Variants in WDR45B observed in about 807,000 individuals in gnomAD.
The protein encoded by WDR45B is WD repeat domain phosphoinositide-interacting protein 3.
In WDR45B, 20 loss-of-function variants were observed where a neutral mutation model predicts 44.6. That is an observed-to-expected ratio of 0.45 (90% CI 0.32 to 0.65). The LOEUF (loss-of-function observed/expected upper bound fraction) is 0.65. WDR45B is among the 30% of genes least tolerant of loss of function. The pLI is 0.05. For missense variants in WDR45B, 323 were observed against 430.2 expected (o/e 0.75, Z 2.20); for synonymous variants, 169 against 164.9 (o/e 1.02, Z -0.19).
intron 2 of WDR45B, among the ~76,000 whole-genome samples, chr17:82,633,911 A>C (rs1187982765): frequency 6.6e-6 from 1 of 151,966 alleles, no homozygotes; most frequent in Non-Finnish European, 1.5e-5. Context: ...GCACTTCGGG[A>C]GGCAAGGCAG....
At chr17:82,638,815 AAAC>A (rs2045872358) in intron 2 of WDR45B, among the ~76,000 whole-genome samples, 1 of 152,006 alleles carries the variant, frequency 6.6e-6, no homozygotes, top group South Asian at 2.1e-4. Context: ...AAACACTGTG[AAAC>A]AACATCATTT....
intron 2 of WDR45B, among the ~76,000 whole-genome samples, chr17:82,636,072 A>G (rs2045828657): frequency 6.6e-6 from 1 of 150,992 alleles, no homozygotes. Context: ...GGGCAACAAG[A>G]GTGAAACTTC....
intron 6 of WDR45B, among the ~76,000 whole-genome samples, chr17:82,620,561 T>TGGCACC (rs2045600794): frequency 6.6e-6 from 1 of 152,244 alleles, no homozygotes; most frequent in Non-Finnish European, 1.5e-5. Context: ...ACCCTGGCAC[T>TGGCACC]GGCACCGCGT....
intron 3 of WDR45B, chr17:82,629,861 T>C: frequency 2.0e-6 from 2 of 985,290 alleles, no homozygotes; most frequent in Non-Finnish European, 2.4e-6. Context: ...ACCCAGATCC[T>C]AGTTCACCCA....
rs1379579121 is a variant in WDR45B, at chr17:82,621,808, A to G, written c.428-9T>C. ...ACAAAGGACACAGAGGCCTGCGTGG[A>G]GACAGAGGACACCAATCAAGAACTG... On this transcript the variant is annotated splice_polypyrimidine_tract_variant and intron_variant, in intron 5 of 9. Coordinates refer to ENST00000392325, the MANE Select transcript of WDR45B (RefSeq NM_019613.4). The G allele has an allele frequency of 2.5e-6, 4 of 1,613,852 alleles. No individual in the cohort carries two copies. The highest frequency in any genetic ancestry group is 3.3e-5 in the Admixed American group (2 of 59,986).
chr17:82,634,444 C>T (rs1175556229), intron 2 of WDR45B, among the ~76,000 whole-genome samples: 3 of 151,818 alleles, frequency 2.0e-5, no homozygotes, highest in African/African-American at 4.8e-5. Context: ...GCCGAGATCT[C>T]GCCAGTGCAC....
intron 2 of WDR45B, among the ~76,000 whole-genome samples, chr17:82,641,998 T>C (rs1459543757): frequency 1.3e-5 from 2 of 150,898 alleles, no homozygotes; most frequent in Non-Finnish European, 1.5e-5. Flanking sequence ...AGTAAAAAAA[T>C]AAAAAACATA....
rs188233089 is a variant in WDR45B, at chr17:82,635,171, T to C, written c.143-4149A>G. Among the ~76,000 whole-genome samples the C allele has an allele frequency of 5.1e-4, 77 of 151,874 alleles. No homozygotes were observed. In the East Asian group the frequency reaches 0.013, roughly 26 times the overall value. ...TTTTATTTTACATAATTTTTTACCA[T>C]AATTTTTTTTTTAAAAAATGCTGCC... On this transcript the variant is annotated intron_variant, in intron 2 of 9. Coordinates refer to ENST00000392325, the MANE Select transcript of WDR45B (RefSeq NM_019613.4).
intron 4 of WDR45B, 178 bp from the exon 5 acceptor site, chr17:82,625,661 G>A: frequency 1.5e-6 from 1 of 646,202 alleles, no homozygotes. Flanking sequence ...AGCTCGGCGA[G>A]TGCACGTGGG....
At chr17:82,646,795 T>C (rs917187647) in intron 1 of WDR45B, among the ~76,000 whole-genome samples, 55 of 152,244 alleles carry the variant, frequency 3.6e-4, no homozygotes, top group African/African-American at 1.3e-3. Context: ...CTGAGAAGGC[T>C]AGGCATCTCC....
intron 2 of WDR45B, among the ~76,000 whole-genome samples, chr17:82,632,315 C>A (rs2045778367): frequency 1.3e-5 from 2 of 152,070 alleles, no homozygotes; most frequent in South Asian, 2.1e-4. Flanking sequence ...GCACACATCA[C>A]CGCGCCTGGT....
intron 2 of WDR45B, among the ~76,000 whole-genome samples, chr17:82,632,123 C>A (rs532857644): frequency 6.6e-6 from 1 of 152,002 alleles, no homozygotes; most frequent in Non-Finnish European, 1.5e-5. Flanking sequence ...ACCAAAAAAA[C>A]CCCACAAAAC....
At chr17:82,618,948 G>T (rs2045575947) in intron 7 of WDR45B, 95 bp downstream of exon 7, 1 of 1,135,270 alleles carries the variant, frequency 8.8e-7, no homozygotes, top group East Asian at 2.4e-5. Context: ...TTCGGGGGAG[G>T]GTGGCTGCTC....
At chr17:82,625,561 C>G in intron 4 of WDR45B, 78 bp from the exon 5 acceptor site, 25 of 1,319,994 alleles carry the variant, frequency 1.9e-5, no homozygotes, top group Non-Finnish European at 2.7e-5. Context: ...TCTTATCATA[C>G]TGAAACTGAG....
At chr17:82,618,323 G>A (rs1011667571) in intron 7 of WDR45B, among the ~76,000 whole-genome samples, 12 of 152,256 alleles carry the variant, frequency 7.9e-5, no homozygotes, top group Admixed American at 7.8e-4. Context: ...CACAGGGCAT[G>A]AGATGCTACC....
intron 6 of WDR45B, among the ~76,000 whole-genome samples, chr17:82,620,961 G>A (rs2045607297): frequency 6.6e-6 from 1 of 152,154 alleles, no homozygotes; most frequent in Non-Finnish European, 1.5e-5. Context: ...CAGGAGCACA[G>A]AAGTTGAGTG....
At chr17:82,647,152 C>T (rs2045988535) in intron 1 of WDR45B, among the ~76,000 whole-genome samples, 1 of 152,096 alleles carries the variant, frequency 6.6e-6, no homozygotes, top group African/African-American at 2.4e-5. Flanking sequence ...TGGCGTGAAC[C>T]CGGGAGGAGG....
At chr17:82,629,436 G>A in intron 3 of WDR45B, 1 of 919,274 alleles carries the variant, frequency 1.1e-6, no homozygotes, top group Non-Finnish European at 1.3e-6. Flanking sequence ...TTCTGGGTGG[G>A]CTCCTCCAGA....
In WDR45B at chr17:82,630,907, C is replaced by T. The variant is rs1176423772; in HGVS notation, c.244+14G>A. The T allele has an allele frequency of 2.5e-6, 4 of 1,609,746 alleles. No homozygotes were observed. The African/African-American group carries it at 4.0e-5, about 16-fold the overall frequency. ...ACACGTGAGGCATGATTCTTCAATA[C>T]ACAATTACAGTACCTTTGTTGGGAG... On this transcript the variant is annotated intron_variant, in intron 3 of 9. Transcript: ENST00000392325.
Sources: gnomAD v4.1 joint callset for allele counts (sites outside exome capture counted in the v4.1 genomes callset) on GRCh38, gnomAD v4.1.1 for gene constraint, MANE v1.5 for transcripts, NCBI Gene and HGNC (gene_info 2026-07-23, HGNC 2026-07-21) for gene names.